The following MEGF6 variants were observed in gnomAD, a reference collection of about 807,000 sequenced individuals.
MEGF6 encodes multiple epidermal growth factor-like domains protein 6.
MEGF6 carries 184 observed loss-of-function variants against 207.1 expected under a neutral mutation model. The ratio of observed to expected loss-of-function variants is 0.89; its 90% CI spans 0.79 to 1.00. The LOEUF (loss-of-function observed/expected upper bound fraction) is 1.00. Among genes scored for constraint, MEGF6 ranks in the 50% least tolerant of loss-of-function variants. The pLI, the probability that MEGF6 is intolerant of heterozygous loss-of-function variation, is 0.00. For synonymous variants in MEGF6, 1,038 were observed against 910.0 expected (o/e 1.14, Z -2.53); for missense variants, 2,282 against 2,202.9 (o/e 1.04, Z -0.72).
intron 3 of MEGF6, among the ~76,000 whole-genome samples, chr1:3,586,365 G>A (rs1643894775): frequency 6.6e-6 from 1 of 152,220 alleles, no homozygotes; most frequent in Non-Finnish European, 1.5e-5. Flanking sequence ...GTGAATAGGT[G>A]CTCACAGATG....
chr1:3,575,624 C>G (rs1221323777), intron 4 of MEGF6, among the ~76,000 whole-genome samples: 4 of 89,244 alleles, frequency 4.5e-5, no homozygotes. Flanking sequence ...CAAGGAGGAG[C>G]AAGTCACATC....
intron 17 of MEGF6, among the ~76,000 whole-genome samples, 169 bp from the exon 18 acceptor site, chr1:3,502,090 C>T (rs7364636): frequency 2.6e-3 from 5 of 1,942 alleles, no homozygotes; most frequent in African/African-American, 6.0e-3. Flanking sequence ...TGTGCCCCCC[C>T]GCGCCTCCTC....
the MEGF6 span, among the ~76,000 whole-genome samples, chr1:3,620,158 G>A: frequency 6.6e-6 from 1 of 152,208 alleles, no homozygotes; most frequent in Non-Finnish European, 1.5e-5. Context: ...TTTGAGATGT[G>A]AGCTGGCTTT....
In MEGF6 at chr1:3,499,637, A is replaced by T; in HGVS notation, c.2916T>A (p.Asn972Lys). Residue 972 changes from asparagine (N) to lysine (K), a missense_variant, in exon 23 of 37, where the codon AAT becomes AAA. Transcript: ENST00000356575. ...CTAGAACDAV[N>K]GSCLCPAGRR... ...GGCCAGCGGGGCAGAGGCAGGAGCCATTCACGGCATCACAGGCAGCTCCGG... is the reference window on the plus strand; with the variant it reads ...GGCCAGCGGGGCAGAGGCAGGAGCCTTTCACGGCATCACAGGCAGCTCCGG... The T allele has an allele frequency of 1.3e-6, 2 of 1,593,292 alleles. No individual in the cohort carries two copies. The highest frequency in any genetic ancestry group is 2.3e-5 in the South Asian group (2 of 88,010).
chr1:3,505,098 G>A (rs982837425), intron 17 of MEGF6, 110 bp downstream of exon 17: 3 of 1,456,920 alleles, frequency 2.1e-6, no homozygotes, highest in African/African-American at 2.8e-5. Flanking sequence ...TTAGGCAAAG[G>A]GGGCCGATAG....
chr1:3,588,373 T>G (rs1361913307), intron 3 of MEGF6, among the ~76,000 whole-genome samples: 1 of 3,572 alleles, frequency 2.8e-4, no homozygotes, highest in African/African-American at 1.3e-3. Flanking sequence ...GGGGCAGGAG[T>G]GGCCAGGAGG....
At chr1:3,564,736 G>A (rs1476696517) in intron 4 of MEGF6, among the ~76,000 whole-genome samples, 1 of 152,114 alleles carries the variant, frequency 6.6e-6, no homozygotes, top group Non-Finnish European at 1.5e-5. Flanking sequence ...TGCAACAGGG[G>A]TGAGTGTCCC....
rs1027689828 is a variant in MEGF6 at position 3,490,430 on chromosome 1, G to A, written c.*98C>T. 46 of 1,336,124 alleles carry A rather than the reference G, an allele frequency of 3.4e-5. No homozygotes were observed. In the Middle Eastern group the frequency reaches 5.4e-4, roughly 16 times the overall value. 82.8% of individuals were successfully genotyped at this position (1,336,124 alleles called of 1,614,324 possible). On this transcript the variant is annotated 3_prime_UTR_variant, in exon 37 of 37. Transcript: ENST00000356575. The stretch of plus-strand genomic sequence containing the variant: ...GCCCTCAAAGGAAGGGCAGTACCAG[G>A]AGCTCTGGGCCCGTGAAGTGTCCTT...
At chr1:3,522,665 C>T (rs533572284) in intron 5 of MEGF6, among the ~76,000 whole-genome samples, 9 of 152,086 alleles carry the variant, frequency 5.9e-5, no homozygotes, top group South Asian at 4.2e-4. Flanking sequence ...GGGAAGGTCA[C>T]CATCACACAG....
At chr1:3,623,725 T>G in the MEGF6 span, among the ~76,000 whole-genome samples, 2 of 152,222 alleles carry the variant, frequency 1.3e-5, no homozygotes, top group East Asian at 3.8e-4. Context: ...CCATGCAACT[T>G]TGGCAGCCTG....
intron 1 of MEGF6, among the ~76,000 whole-genome samples, chr1:3,605,502 ACAAT>A (rs1008382159): frequency 6.6e-6 from 1 of 151,772 alleles, no homozygotes; most frequent in African/African-American, 2.4e-5. Flanking sequence ...ACATACACAC[ACAAT>A]CACACACATA....
chr1:3,503,349 C>G (rs977009144), intron 17 of MEGF6, among the ~76,000 whole-genome samples: 6 of 151,968 alleles, frequency 3.9e-5, no homozygotes, highest in Non-Finnish European at 7.4e-5. Context: ...GTTTCCAGAC[C>G]CAACAAGAGG....
chr1:3,504,090 AG>A lies in MEGF6; in HGVS notation c.2188+1117del, dbSNP rs745834873. 4.8e-4 allele frequency among the ~76,000 whole-genome samples: 73 copies of A among 152,050 alleles called. 1 individual carries two copies. Among genetic ancestry groups the A allele is most frequent in the Admixed American group, 1.0e-3 (16 of 15,290 alleles). ...ATGCTGGGGGGGCTTGAGTCCAGAG[AG>A]CCCCCTGGTATGGCCCCAGGGGAGG... On this transcript the variant is annotated intron_variant, in intron 17 of 36. Coordinates refer to ENST00000356575, the MANE Select transcript of MEGF6 (RefSeq NM_001409.4).
intron 3 of MEGF6, among the ~76,000 whole-genome samples, chr1:3,592,676 T>C (rs1283618367): frequency 6.7e-6 from 1 of 149,672 alleles, no homozygotes; most frequent in African/African-American, 2.5e-5. Context: ...GGCTCAGGGG[T>C]AGCCCGTGTG....
intron 5 of MEGF6, among the ~76,000 whole-genome samples, chr1:3,520,666 C>CG (rs1050476294): frequency 9.2e-5 from 14 of 152,166 alleles, no homozygotes; most frequent in African/African-American, 2.9e-4. Context: ...GGCTGGGGAA[C>CG]GGGGACCCAC....
intron 1 of MEGF6, among the ~76,000 whole-genome samples, chr1:3,605,863 C>A (rs1644242731): frequency 1.3e-5 from 2 of 152,304 alleles, no homozygotes; most frequent in South Asian, 4.1e-4. Context: ...GAGGCCGTGC[C>A]CACTCTCTCC....
At chr1:3,598,724 C>A (rs1198699124) in intron 2 of MEGF6, among the ~76,000 whole-genome samples, 3 of 148,148 alleles carry the variant, frequency 2.0e-5, no homozygotes, top group African/African-American at 7.6e-5. Flanking sequence ...AGCCCCCCCC[C>A]CCCCCCCGGG....
upstream of MEGF6, among the ~76,000 whole-genome samples, chr1:3,612,598 C>G (rs1235674225): frequency 1.3e-5 from 2 of 152,174 alleles, no homozygotes; most frequent in Non-Finnish European, 2.9e-5. Flanking sequence ...CCAGCCATGC[C>G]GGTCCCTGCT....
At chr1:3,592,330 G>GACTC (rs1643993034) in intron 3 of MEGF6, among the ~76,000 whole-genome samples, 2 of 152,156 alleles carry the variant, frequency 1.3e-5, no homozygotes, top group African/African-American at 4.8e-5. Context: ...CGCTGACCCT[G>GACTC]ACTCACTGCT....
Sources: allele counts gnomAD v4.1 joint callset (sites outside exome capture counted in the v4.1 genomes callset), GRCh38; gene constraint gnomAD v4.1.1; transcripts MANE v1.5; gene names NCBI Gene and HGNC (gene_info 2026-07-23, HGNC 2026-07-21).